The following POU2F1 variants were observed in gnomAD, a reference collection of about 807,000 sequenced individuals.
The protein encoded by POU2F1 is POU domain, class 2, transcription factor 1.
A neutral mutation model predicts 84.9 loss-of-function variants in POU2F1; 16 were observed. The ratio of observed to expected loss-of-function variants is 0.19; its 90% CI spans 0.13 to 0.29. POU2F1 has a LOEUF of 0.29. POU2F1 is among the 10% of genes least tolerant of loss of function. The pLI is 1.00. For synonymous variants in POU2F1, 368 were observed against 368.3 expected (o/e 1.00, Z 0.01); for missense variants, 738 against 942.6 (o/e 0.78, Z 2.84).
intron 1 of POU2F1, among the ~76,000 whole-genome samples, chr1:167,259,119 C>T (rs762290055): frequency 2.0e-4 from 30 of 152,196 alleles, no homozygotes; most frequent in Non-Finnish European, 4.1e-4. Flanking sequence ...GATGCTTCAG[C>T]AGAGACAGCT....
At chr1:167,259,174 T>A (rs541336203) in intron 1 of POU2F1, among the ~76,000 whole-genome samples, 2 of 152,232 alleles carry the variant, frequency 1.3e-5, no homozygotes, top group Non-Finnish European at 2.9e-5. Context: ...GCTGGCCTTA[T>A]CTTGTTCACC....
intron 1 of POU2F1, among the ~76,000 whole-genome samples, chr1:167,298,935 G>A (rs1432605308): frequency 6.6e-6 from 1 of 151,990 alleles, no homozygotes; most frequent in African/African-American, 2.4e-5. Flanking sequence ...AGGCCAAGGC[G>A]GGCGGATCAC....
chr1:167,301,323 C>T (rs887648596), intron 1 of POU2F1, among the ~76,000 whole-genome samples: 2 of 152,340 alleles, frequency 1.3e-5, no homozygotes, highest in East Asian at 3.9e-4. Context: ...ACGTTAGTTA[C>T]TGCTGTTGGG....
At chr1:167,376,237 G>A in intron 7 of POU2F1, 82 bp downstream of exon 7, 1 of 1,422,888 alleles carries the variant, frequency 7.0e-7, no homozygotes. Flanking sequence ...CTATCATTTT[G>A]GCCCTGAAAC....
intron 1 of POU2F1, among the ~76,000 whole-genome samples, chr1:167,247,074 AT>A (rs879798722): frequency 2.4e-4 from 34 of 141,560 alleles, no homozygotes; most frequent in East Asian, 4.1e-4. Context: ...GTGTGATTGA[AT>A]TTTTTTTTTT....
At chr1:167,259,580 G>T (rs187987322) in intron 1 of POU2F1, among the ~76,000 whole-genome samples, 4 of 152,058 alleles carry the variant, frequency 2.6e-5, no homozygotes, top group South Asian at 2.1e-4. Context: ...ATTAAGGGGG[G>T]GTGTGTTTGT....
intron 15 of POU2F1, chr1:167,414,769 T>C (rs901244510): frequency 9.5e-6 from 9 of 952,052 alleles, no homozygotes; most frequent in African/African-American, 1.8e-5. Flanking sequence ...AAATCAAGTA[T>C]TTAGCCTCAG....
chr1:167,414,768 ATTT>A, intron 15 of POU2F1: 4 of 952,162 alleles, frequency 4.2e-6, no homozygotes, highest in Non-Finnish European at 5.0e-6. Context: ...GAAATCAAGT[ATTT>A]AGCCTCAGGA....
chr1:167,342,164 C>CA (rs1657903095), intron 2 of POU2F1, among the ~76,000 whole-genome samples: 1 of 152,106 alleles, frequency 6.6e-6, no homozygotes, highest in African/African-American at 2.4e-5. Flanking sequence ...CATGGGTTTC[C>CA]AGGCTTGAGG....
intron 1 of POU2F1, among the ~76,000 whole-genome samples, chr1:167,223,395 T>A (rs1223127527): frequency 6.6e-6 from 1 of 152,196 alleles, no homozygotes; most frequent in East Asian, 1.9e-4. Context: ...TGGTCTTTCC[T>A]GTGGTAAAAT....
chr1:167,310,370 A>C (rs1655377005), intron 1 of POU2F1, among the ~76,000 whole-genome samples: 1 of 152,174 alleles, frequency 6.6e-6, no homozygotes, highest in South Asian at 2.1e-4. Context: ...ACCTCTACTC[A>C]GATTGGATTT....
intron 5 of POU2F1, 37 bp from the exon 6 acceptor site, chr1:167,374,071 T>C (rs1446684159): frequency 1.9e-6 from 3 of 1,605,378 alleles, no homozygotes; most frequent in Non-Finnish European, 2.6e-6. Context: ...ACTTTCTCCT[T>C]CAACACTTTC....
In POU2F1 at chr1:167,349,383, G is replaced by A. The variant is rs114679736; in HGVS notation, c.128-16084G>A. On this transcript the variant is annotated intron_variant, in intron 2 of 15. Coordinates refer to ENST00000367866, the MANE Select transcript of POU2F1 (RefSeq NM_002697.4). ...CATAAATGCATTACTTGTGCACCCCGGCCAGACTCGCTATCCCTTTTCCTC... is the reference window on the plus strand; with the variant it reads ...CATAAATGCATTACTTGTGCACCCCAGCCAGACTCGCTATCCCTTTTCCTC... Among the ~76,000 whole-genome samples the A allele has an allele frequency of 6.4e-3, 967 of 151,954 alleles. 9 individuals are homozygous for A. The highest frequency in any genetic ancestry group is 0.019 in the African/African-American group (785 of 41,458).
chr1:167,229,713 C>T (rs1648913607), intron 1 of POU2F1, among the ~76,000 whole-genome samples: 1 of 152,112 alleles, frequency 6.6e-6, no homozygotes, highest in East Asian at 1.9e-4. Flanking sequence ...AATTTTATTA[C>T]TTGTGCTGCT....
intron 2 of POU2F1, 69 bp downstream of exon 2, chr1:167,332,604 C>A: frequency 7.6e-7 from 1 of 1,309,302 alleles, no homozygotes; most frequent in Non-Finnish European, 1.1e-6. Context: ...TTCCATGTAA[C>A]TAGGACTTGT....
chr1:167,289,164 G>T (rs1266533302), intron 1 of POU2F1, among the ~76,000 whole-genome samples: 1 of 152,094 alleles, frequency 6.6e-6, no homozygotes, highest in Non-Finnish European at 1.5e-5. Context: ...CTGAGCACAT[G>T]TTTCTTTTTT....
At chr1:167,282,097 A>G (rs1440297184) in intron 1 of POU2F1, among the ~76,000 whole-genome samples, 1 of 151,662 alleles carries the variant, frequency 6.6e-6, no homozygotes, top group Non-Finnish European at 1.5e-5. Context: ...TTACTCCCTC[A>G]AATCTATATT....
intron 5 of POU2F1, 96 bp from the exon 6 acceptor site, chr1:167,374,012 T>G: frequency 8.7e-7 from 1 of 1,154,386 alleles, no homozygotes; most frequent in South Asian, 1.3e-5. Flanking sequence ...AGCTGGGGAC[T>G]GATATCATTT....
intron 2 of POU2F1, among the ~76,000 whole-genome samples, chr1:167,340,386 C>A (rs1251700363): frequency 6.6e-6 from 1 of 151,388 alleles, no homozygotes; most frequent in Non-Finnish European, 1.5e-5. Flanking sequence ...AGCCCAGAAC[C>A]ATTCTTTTAC....
Sources: gnomAD v4.1 joint callset for allele counts (sites outside exome capture counted in the v4.1 genomes callset) on GRCh38, gnomAD v4.1.1 for gene constraint, MANE v1.5 for transcripts, NCBI Gene and HGNC (gene_info 2026-07-23, HGNC 2026-07-21) for gene names.